MUC3A: variants seen among roughly 807,000 people sequenced by gnomAD.
The protein encoded by MUC3A is mucin-3A.
In MUC3A, 109 loss-of-function variants were observed where a neutral mutation model predicts 109.0. The ratio of observed to expected loss-of-function variants is 1.00; its 90% confidence interval spans 0.86 to 1.17. MUC3A has a LOEUF of 1.17. Ranked by LOEUF, MUC3A falls within the 50% of genes most tolerant of loss-of-function variation. The pLI is 0.00. For missense variants in MUC3A, 3,537 were observed against 2,469.4 expected (o/e 1.43, Z -9.16); for synonymous variants, 1,398 against 981.4 (o/e 1.42, Z -7.93).
intron 5 of MUC3A, chr7:100,964,041 T>C: frequency 1.7e-6 from 1 of 586,752 alleles, no homozygotes. Context: ...TGGCCCCTGC[T>C]CTACTGAGTG....
rs1792111240 is a variant in MUC3A at position 100,956,902 on chromosome 7, C to A, written c.5123C>A (p.Thr1708Lys). ...PSPTTTMSFT[T>K]FTKMETPSST... ...CCTACAACCACCATGTCATTCACAACATTTACAAAGATGGAAACACCTTCA... is the reference window on the plus strand; with the variant it reads ...CCTACAACCACCATGTCATTCACAAAATTTACAAAGATGGAAACACCTTCA... Residue 1708 changes from threonine to lysine, a missense_variant, in exon 2 of 12, where the codon ACA becomes AAA. Physicochemically the swap from Thr to Lys is moderately conservative, Grantham distance 78. Coordinates refer to ENST00000379458, the MANE Select transcript of MUC3A (RefSeq NM_005960.2). The A allele has an allele frequency of 4.8e-6, 2 of 412,420 alleles. No homozygotes were observed. Among genetic ancestry groups the A allele is most frequent in the East Asian group, 7.1e-5 (2 of 28,270 alleles). 25.5% of individuals were successfully genotyped at this position (412,420 alleles called of 1,614,324 possible).
Position 100,958,917 on chromosome 7 carries a change from A to T in MUC3A, c.7138A>T (p.Thr2380Ser), listed in dbSNP as rs770111972. The change falls in exon 2 of 12, where the codon ACC (threonine) becomes TCC (serine). Residue 2380 changes from threonine (T) to serine (S), a missense_variant. Thr to Ser is a moderately conservative substitution (Grantham distance 58). Coordinates refer to ENST00000379458, the MANE Select transcript of MUC3A (RefSeq NM_005960.2). ...TACTCCCAGCTTCAGTTCTTCAATCACCACCACTGAGACCCCCTTACACAG... is the reference window on the plus strand; with the variant it reads ...TACTCCCAGCTTCAGTTCTTCAATCTCCACCACTGAGACCCCCTTACACAG... ...HSTPSFSSSI[T>S]TTETPLHSTP... 2.9e-5 allele frequency: 35 copies of T among 1,220,684 alleles called. No individual in the cohort carries two copies. The highest frequency in any genetic ancestry group is 3.5e-5 in the African/African-American group (1 of 28,652). The allele number at this position is 1,220,684 out of a possible 1,614,324, so 75.6% of individuals were successfully genotyped here.
intron 5 of MUC3A, chr7:100,963,977 G>T (rs1172157859): frequency 3.0e-6 from 2 of 662,450 alleles, no homozygotes; most frequent in East Asian, 2.7e-5. Flanking sequence ...GAGAGAAGTT[G>T]CAGGGACATG....
At position 100,959,418 on chromosome 7, in the gene MUC3A, A is replaced by G. The variant is rs755507674; in HGVS notation, c.7639A>G (p.Thr2547Ala). 1.3e-6 allele frequency: 2 copies of G among 1,538,166 alleles called. No individual in the cohort carries two copies. The highest frequency in any genetic ancestry group is 2.0e-5 in the Admixed American group (1 of 50,752). Residue 2547 changes from threonine to alanine, a missense_variant, in exon 2 of 12, where the codon ACC (threonine) becomes GCC (alanine). Coordinates refer to ENST00000379458, the MANE Select transcript of MUC3A (RefSeq NM_005960.2). ...ATCCCTTGTGGGCACCACCTCTCCC[A>G]CCATGTCCACTGTGAGAATGACCCT... is the stretch of plus-strand genomic sequence containing the variant. ...TSSLVGTTSPTMSTVRMTLRI... is the reference protein window; with the variant it reads ...TSSLVGTTSPAMSTVRMTLRI...
At position 100,952,354 on chromosome 7, in the gene MUC3A, C is replaced by T. The variant is rs983713551; in HGVS notation, c.575C>T (p.Thr192Ile). The T allele has an allele frequency of 6.3e-7, 1 of 1,598,522 alleles. No individual in the cohort carries two copies. The highest frequency in any genetic ancestry group is 8.5e-7 in the Non-Finnish European group (1 of 1,179,772). Residue 192 changes from threonine (T) to isoleucine (I), a missense_variant, in exon 2 of 12, where the codon ACC (threonine) becomes ATC (isoleucine). Thr to Ile is a moderately conservative substitution (Grantham distance 89). Transcript: ENST00000379458. ...TCAGCCATGACATCTTCTCCCTCTA[C>T]CACCACTGCAAGGGAAACTCCCATA... ...GTSAMTSSPSTTTARETPIVT... is the reference protein window; with the variant it reads ...GTSAMTSSPSITTARETPIVT...
chr7:100,959,576 C>G lies in MUC3A; in HGVS notation c.7797C>G (p.Val2599=). Residue 2599 remains valine (V), a synonymous_variant, in exon 2 of 12, where the codon GTC becomes GTG. Transcript: ENST00000379458. ...GTQTSPAPTT[V]TFGSTDSSTS... is the part of the protein sequence containing the mutation. ...AAACATCTCCTGCACCTACTACTGT[C>G]ACCTTTGGAAGTACGGATTCCTCCA... The G allele has an allele frequency of 6.3e-7, 1 of 1,595,340 alleles. No homozygotes were observed. The highest frequency in any genetic ancestry group is 8.5e-7 in the Non-Finnish European group (1 of 1,178,076).
At chr7:100,966,046 T>TCGGTCGC in intron 8 of MUC3A, 180 bp downstream of exon 8, 5 of 232,436 alleles carry the variant, frequency 2.2e-5, no homozygotes, top group Non-Finnish European at 3.2e-5. Flanking sequence ...GGAGCTCTGC[T>TCGGTCGC]CCTTTGATGG....
Position 100,965,426 on chromosome 7 carries a change from G to A in MUC3A, c.9448+79G>A, listed in dbSNP as rs1039424306. ...CAGGGACATTTGCCCATTGAAGCCT[G>A]TGGGCAGGGAGAGACCTTTGGGGGA... On this transcript the variant is annotated intron_variant, in intron 7 of 11. Coordinates refer to ENST00000379458, the MANE Select transcript of MUC3A (RefSeq NM_005960.2). 4.5e-6 allele frequency: 7 copies of A among 1,551,930 alleles called. No homozygotes were observed. The Admixed American group carries it at 7.6e-5, about 17-fold the overall frequency.
chr7:100,965,545 T>C (rs1488543403), intron 7 of MUC3A, 159 bp from the exon 8 acceptor site: 3 of 1,418,120 alleles, frequency 2.1e-6, no homozygotes, highest in Non-Finnish European at 2.8e-6. Context: ...GTGAGGGTGC[T>C]GCGGGTGGCC....
chr7:100,966,516 C>T lies in MUC3A; in HGVS notation c.9742C>T (p.Arg3248Trp), dbSNP rs1050023549. The T allele has an allele frequency of 3.8e-6, 5 of 1,301,254 alleles. No homozygotes were observed. The African/African-American group carries it at 6.1e-5, about 16-fold the overall frequency. 80.6% of individuals were successfully genotyped at this position (1,301,254 alleles called of 1,614,324 possible). ...GCTGCTGCTGCTGGCGCTGGGCGTC[C>T]GGGCGGTGCGCTCCGGATGGTGGGG... The part of the protein sequence containing the change: ...LVLLLLALGV[R>W]AVRSGWWGGQ... Residue 3248 changes from arginine to tryptophan, a missense_variant, in exon 9 of 12, where the codon CGG becomes TGG. Arg to Trp is a moderately radical substitution (Grantham distance 101). Coordinates refer to ENST00000379458, the MANE Select transcript of MUC3A (RefSeq NM_005960.2).
In MUC3A at chr7:100,965,770, G is replaced by A. The variant is rs756481821; in HGVS notation, c.9515G>A (p.Arg3172Gln). ...EFYFPLVEAT[R>Q]LRCVTKCTSG... ...TACTTCCCCTTGGTGGAGGCCACCC[G>A]GCTCCGCTGTGTCACCAAATGCACG... is the stretch of plus-strand genomic sequence containing the variant. The change falls in exon 8 of 12, where the codon CGG (arginine) becomes CAG (glutamine). Residue 3172 changes from arginine (R) to glutamine (Q), a missense_variant. Arg to Gln is a conservative substitution (Grantham distance 43). Transcript: ENST00000379458. The A allele has an allele frequency of 3.6e-5, 57 of 1,597,700 alleles. No homozygotes were observed. The South Asian group carries it at 5.2e-4, about 14-fold the overall frequency.
rs1792129255 is a variant in MUC3A at position 100,957,485 on chromosome 7, C to T, written c.5706C>T (p.His1902=). 12 of 1,518,130 alleles carry T rather than the reference C, an allele frequency of 7.9e-6. No individual in the cohort carries two copies. Among genetic ancestry groups the T allele is most frequent in the African/African-American group, 1.4e-5 (1 of 72,528 alleles). 94.0% of individuals were successfully genotyped at this position (1,518,130 alleles called of 1,614,324 possible). A position where few individuals can be genotyped will look rare whatever the true frequency, so the allele number is the denominator to read the frequency against. ...LVTTTTKITS[H]STPSFTSSIA... ...CCACGACCACCAAGATCACCTCACA[C>T]AGTACTCCTAGCTTCACTTCTTCAA... Residue 1902 remains histidine (H), a synonymous_variant, in exon 2 of 12, where the codon CAC becomes CAT. Transcript: ENST00000379458.
chr7:100,957,338 G>A lies in MUC3A; in HGVS notation c.5559G>A (p.Thr1853=), dbSNP rs1487486921. The A allele has an allele frequency of 1.2e-5, 7 of 584,812 alleles. No individual in the cohort carries two copies. Among genetic ancestry groups the A allele is most frequent in the East Asian group, 6.0e-5 (2 of 33,430 alleles). 36.2% of individuals were successfully genotyped at this position (584,812 alleles called of 1,614,324 possible). A position where few individuals can be genotyped will look rare whatever the true frequency, so the allele number is the denominator to read the frequency against. ...TTACTAGTGCTCTCACAGATTCCAC[G>A]ACCAGAACCACCTATTCCACCAATA... ...TSLTSALTDS[T]TRTTYSTNMT... Residue 1853 remains threonine (T), a synonymous_variant, in exon 2 of 12, where the codon ACG becomes ACA. Coordinates refer to ENST00000379458, the MANE Select transcript of MUC3A (RefSeq NM_005960.2).
chr7:100,966,044 G>C, intron 8 of MUC3A, 178 bp downstream of exon 8: 4 of 823,400 alleles, frequency 4.9e-6, no homozygotes, highest in Non-Finnish European at 7.2e-6. Context: ...CTGGAGCTCT[G>C]CTCCTTTGAT....
intron 1 of MUC3A, 22 bp downstream of exon 1, chr7:100,949,707 G>C: frequency 6.6e-7 from 1 of 1,514,118 alleles, no homozygotes; most frequent in Non-Finnish European, 8.8e-7. Flanking sequence ...AGGCGGAAGG[G>C]GGTTGGAGAA....
rs1010492342 is a variant in MUC3A at position 100,957,412 on chromosome 7, C to A, written c.5633C>A (p.Ser1878Tyr). 4.1e-3 allele frequency: 3,781 copies of A among 933,006 alleles called. 223 individuals carry two copies. The South Asian group carries it at 0.059, about 15-fold the overall frequency. 57.8% of individuals were successfully genotyped at this position (933,006 alleles called of 1,614,324 possible). A position where few individuals can be genotyped will look rare whatever the true frequency, so the allele number is the denominator to read the frequency against. ...TVTSLRPTSS[S>Y]LLTTVTATVP... ...ACCTCTCTTCGACCCACCTCTTCCT[C>A]TCTCCTCACCACAGTAACAGCCACA... The change falls in exon 2 of 12, where the codon TCT (serine) becomes TAT (tyrosine). Residue 1878 changes from serine (S) to tyrosine (Y), a missense_variant. Physicochemically the swap from Ser to Tyr is moderately radical, Grantham distance 144. Transcript: ENST00000379458.
At chr7:100,965,402 A>T in intron 7 of MUC3A, 55 bp downstream of exon 7, 1 of 1,571,284 alleles carries the variant, frequency 6.4e-7, no homozygotes, top group South Asian at 1.1e-5. Flanking sequence ...CCGGGCTACC[A>T]GGGACATTTG....
At chr7:100,966,780 T>C (rs1326095051) in intron 10 of MUC3A, 37 bp downstream of exon 10, 1 of 1,598,392 alleles carries the variant, frequency 6.3e-7, no homozygotes, top group South Asian at 1.1e-5. Flanking sequence ...GCAGAGGCTT[T>C]CCTGGGCACC....
At position 100,954,672 on chromosome 7, in the gene MUC3A, A is replaced by G. The variant is rs1031271731; in HGVS notation, c.2893A>G (p.Thr965Ala). The change falls in exon 2 of 12, where the codon ACT (threonine) becomes GCT (alanine). Residue 965 changes from threonine to alanine, a missense_variant. Thr to Ala is a moderately conservative substitution (Grantham distance 58). Transcript: ENST00000379458. ...TSTMMEPPSS[T>A]VSTTGRGQTT... is the part of the protein sequence containing the mutation. ...CACAATGATGGAACCACCTTCATCCACTGTATCAACTACAGGCAGAGGTCA... is the reference window on the plus strand; with the variant it reads ...CACAATGATGGAACCACCTTCATCCGCTGTATCAACTACAGGCAGAGGTCA... 31 of 393,520 alleles carry G rather than the reference A, an allele frequency of 7.9e-5. 1 individual carries two copies. Among genetic ancestry groups the G allele is most frequent in the African/African-American group, 6.2e-4 (29 of 46,650 alleles). 24.4% of individuals were successfully genotyped at this position (393,520 alleles called of 1,614,324 possible).
Sources: allele counts gnomAD v4.1 joint callset, GRCh38; gene constraint gnomAD v4.1.1; transcripts MANE v1.5; gene names NCBI Gene and HGNC (gene_info 2026-07-23, HGNC 2026-07-21).